The following BMI1 variants were observed in gnomAD, a reference collection of about 807,000 sequenced individuals.
The protein encoded by BMI1 is polycomb complex protein BMI-1.
A neutral mutation model predicts 39.1 loss-of-function variants in BMI1; 9 were observed. The ratio of observed to expected loss-of-function variants is 0.23; its 90% confidence interval spans 0.14 to 0.40. The LOEUF is 0.40. BMI1 is among the 10% of genes least tolerant of loss of function. BMI1 has a pLI of 1.00. For missense variants in BMI1, 252 were observed against 390.8 expected (o/e 0.64, Z 2.99); for synonymous variants, 131 against 127.9 (o/e 1.02, Z -0.16).
intron 7 of BMI1, 30 bp downstream of exon 7, chr10:22,328,209 AG>A: frequency 6.3e-7 from 1 of 1,577,848 alleles, no homozygotes; most frequent in South Asian, 1.2e-5. Context: ...AACATATAGA[AG>A]AAACATTGTT....
rs747586289 is a variant in BMI1 at position 22,326,570 on chromosome 10, C to G, written c.112+9C>G. On this transcript the variant is annotated intron_variant, in intron 2 of 9. Coordinates refer to ENST00000376663, the MANE Select transcript of BMI1 (RefSeq NM_005180.9). ...AGAATGTCTACATTCCTGTAAGTAC[C>G]GAGCTTTAGCTCTCTTTTGTATCAT... 1.8e-5 allele frequency: 29 copies of G among 1,611,764 alleles called. No individual in the cohort carries two copies. Among genetic ancestry groups the G allele is most frequent in the Non-Finnish European group, 2.3e-5 (27 of 1,179,170 alleles).
At chr10:22,328,269 C>T in intron 7 of BMI1, 90 bp downstream of exon 7, 1 of 1,409,598 alleles carries the variant, frequency 7.1e-7, no homozygotes, top group Non-Finnish European at 9.5e-7. Flanking sequence ...GAATATTAGG[C>T]TGTTAAATAG....
At chr10:22,326,714 A>G (rs988980607) in intron 2 of BMI1, 153 bp downstream of exon 2, 7 of 1,339,402 alleles carry the variant, frequency 5.2e-6, no homozygotes, top group Non-Finnish European at 6.1e-6. Flanking sequence ...ACTTTTTGTT[A>G]ATATGTATTG....
intron 1 of BMI1, among the ~76,000 whole-genome samples, chr10:22,322,442 C>T (rs921027974): frequency 1.2e-4 from 19 of 152,150 alleles, no homozygotes; most frequent in African/African-American, 4.6e-4. Context: ...CAGTTGTTTC[C>T]AAGGTCTCCT....
Position 22,328,610 on chromosome 10 carries a change from A to C in BMI1, c.482A>C (p.Lys161Thr), listed in dbSNP as rs1268165271. Residue 161 changes from lysine to threonine, a missense_variant, in exon 8 of 10, where the codon AAA becomes ACA. Around this residue, in one of 4 missense-constraint regions of BMI1, gnomAD observed 67 missense variants for 69.9 expected, o/e 0.96. Coordinates refer to ENST00000376663, the MANE Select transcript of BMI1 (RefSeq NM_005180.9). Reference protein sequence around the residue: ...KEKSKEEVNDKRYLRCPAAMT... With the variant: ...KEKSKEEVNDTRYLRCPAAMT... ...TAAATGTACTTTTAGGTGAATGATA[A>C]AAGATACTTACGATGCCCAGCAGCA... 6.3e-7 allele frequency: 1 copy of C among 1,599,508 alleles called. No individual in the cohort carries two copies. The highest frequency in any genetic ancestry group is 8.5e-7 in the Non-Finnish European group (1 of 1,174,810).
rs1241733586 is a variant in BMI1, at chr10:22,321,861, G to T, written c.-20+165G>T. On this transcript the variant is annotated intron_variant, in intron 1 of 9. Transcript: ENST00000376663. ...CCCGGCCCCGCGCCCCGCGCCGCCC[G>T]CCCCGCGCCTGCCGGCCCCGCGCGC... 7.0e-5 allele frequency among the ~76,000 whole-genome samples: 10 copies of T among 142,986 alleles called. 1 individual carries two copies. The East Asian group carries it at 1.5e-3, about 21-fold the overall frequency. The allele number at this position is 142,986 out of a possible 152,430, so 93.8% of individuals were successfully genotyped here. A position where few individuals can be genotyped will look rare whatever the true frequency, so the allele number is the denominator to read the frequency against.
At chr10:22,328,786 C>T (rs41277398) in intron 8 of BMI1, 88 bp downstream of exon 8, 197 of 1,355,064 alleles carry the variant, frequency 1.5e-4, no homozygotes, top group Middle Eastern at 2.5e-4. Context: ...CCCAAAAAAG[C>T]AATAGAAAAA....
chr10:22,328,514 T>C (rs1474789467), intron 7 of BMI1, 86 bp from the exon 8 acceptor site: 42 of 1,411,480 alleles, frequency 3.0e-5, no homozygotes, highest in Non-Finnish European at 3.9e-5. Context: ...TTGATACTAG[T>C]ATCTTTTATA....
At chr10:22,326,640 T>A (rs563077638) in intron 2 of BMI1, 79 bp downstream of exon 2, 13 of 1,556,164 alleles carry the variant, frequency 8.4e-6, no homozygotes, top group Non-Finnish European at 9.5e-6. Context: ...TGTTAATGAT[T>A]CCTGCAATCT....
chr10:22,321,248 A>C lies in BMI1; in HGVS notation c.-468A>C, dbSNP rs934332993. On this transcript the variant is annotated 5_prime_UTR_variant, in exon 1 of 10. Coordinates refer to ENST00000376663, the MANE Select transcript of BMI1 (RefSeq NM_005180.9). ...AATAATCGTAGTATGAGAGGCAGAG[A>C]TCGGGGCGAGACAATGGGGATGTGG... 6.7e-6 allele frequency: 1 copy of C among 150,004 alleles called. No homozygotes were observed. The highest frequency in any genetic ancestry group is 2.4e-5 in the African/African-American group (1 of 40,942). 9.3% of individuals were successfully genotyped at this position (150,004 alleles called of 1,614,324 possible). A position where few individuals can be genotyped will look rare whatever the true frequency, so the allele number is the denominator to read the frequency against.
intron 8 of BMI1, 65 bp downstream of exon 8, chr10:22,328,763 T>C: frequency 6.7e-7 from 1 of 1,485,314 alleles, no homozygotes; most frequent in Non-Finnish European, 9.0e-7. Flanking sequence ...CATTTTTCAC[T>C]TTGGATTTTG....
intron 1 of BMI1, among the ~76,000 whole-genome samples, chr10:22,325,496 G>GTCCCTGGTCCCCGA (rs1836114560): frequency 6.6e-6 from 1 of 151,702 alleles, no homozygotes; most frequent in Admixed American, 6.6e-5. Flanking sequence ...CCAGGACTGG[G>GTCCCTGGTCCCCGA]TCCCTGGTCC....
intron 4 of BMI1, 34 bp downstream of exon 4, chr10:22,327,684 G>A (rs756824541): frequency 6.2e-7 from 1 of 1,612,514 alleles, no homozygotes; most frequent in Non-Finnish European, 8.5e-7. Context: ...AATTTAAAGA[G>A]ATTATTCATT....
Position 22,329,738 on chromosome 10 carries a change from G to T in BMI1, c.*196G>T. 1 of 653,642 alleles carries T rather than the reference G, an allele frequency of 1.5e-6. No homozygotes were observed. Among genetic ancestry groups the T allele is most frequent in the Non-Finnish European group, 2.5e-6 (1 of 407,284 alleles). 40.5% of individuals were successfully genotyped at this position (653,642 alleles called of 1,614,324 possible). ...ACGTTAATTGAAAAGAAAGATTGTT[G>T]TTATAAAGAATTGGTTTCTTGGAAA... On this transcript the variant is annotated 3_prime_UTR_variant, in exon 10 of 10. Coordinates refer to ENST00000376663, the MANE Select transcript of BMI1 (RefSeq NM_005180.9).
Position 22,323,135 on chromosome 10 carries a change from T to C in BMI1, c.-20+1439T>C, listed in dbSNP as rs570725031. 1.8e-3 allele frequency among the ~76,000 whole-genome samples: 271 copies of C among 152,344 alleles called. 2 individuals are homozygous for C. Among genetic ancestry groups the C allele is most frequent in the Non-Finnish European group, 3.0e-3 (205 of 68,032 alleles). On this transcript the variant is annotated intron_variant, in intron 1 of 9. Transcript: ENST00000376663. ...CATGTTCTGGAAACACATTATAAGC[T>C]ACACTAAACAGTTGATATTTAAGGA...
Position 22,329,727 on chromosome 10 carries a change from G to T in BMI1, c.*185G>T. ...TACTCCTATGGACGTTAATTGAAAAGAAAGATTGTTGTTATAAAGAATTGG... is the reference window on the plus strand; with the variant it reads ...TACTCCTATGGACGTTAATTGAAAATAAAGATTGTTGTTATAAAGAATTGG... On this transcript the variant is annotated 3_prime_UTR_variant, in exon 10 of 10. Coordinates refer to ENST00000376663, the MANE Select transcript of BMI1 (RefSeq NM_005180.9). 1.5e-6 allele frequency: 1 copy of T among 682,842 alleles called. No homozygotes were observed. The highest frequency in any genetic ancestry group is 2.3e-6 in the Non-Finnish European group (1 of 430,392). The allele number at this position is 682,842 out of a possible 1,614,324, so 42.3% of individuals were successfully genotyped here. A position where few individuals can be genotyped will look rare whatever the true frequency, so the allele number is the denominator to read the frequency against.
intron 1 of BMI1, 45 bp from the exon 2 acceptor site, chr10:22,326,386 C>T (rs1424596473): frequency 6.2e-7 from 1 of 1,603,124 alleles, no homozygotes; most frequent in Admixed American, 1.7e-5. Flanking sequence ...AGATGATCTC[C>T]ATTCTTGTTC....
Position 22,327,576 on chromosome 10 carries a change from T to C in BMI1, c.210-19T>C, listed in dbSNP as rs759459168. 7.6e-6 allele frequency: 12 copies of C among 1,579,946 alleles called. No homozygotes were observed. The highest frequency in any genetic ancestry group is 1.4e-5 in the African/African-American group (1 of 72,976). ...CTTGCCATCTGAATTCATAGTTTTC[T>C]ATTTTAATTATTTTTCAGGTCAGAT... On this transcript the variant is annotated intron_variant, in intron 3 of 9. Transcript: ENST00000376663.
At chr10:22,327,396 A>G (rs1340443716) in intron 3 of BMI1, among the ~76,000 whole-genome samples, 199 bp from the exon 4 acceptor site, 1 of 152,206 alleles carries the variant, frequency 6.6e-6, no homozygotes, top group Admixed American at 6.5e-5. Flanking sequence ...TAGTGAATAT[A>G]AAATATTTTT....
Sources: gnomAD v4.1 joint callset for allele counts (sites outside exome capture counted in the v4.1 genomes callset) on GRCh38, gnomAD v4.1.1 for gene constraint, gnomAD v4.1.1 regional missense constraint, MANE v1.5 for transcripts, NCBI Gene and HGNC (gene_info 2026-07-23, HGNC 2026-07-21) for gene names.